Variants in PVT1 observed in about 807,000 individuals in gnomAD.
PVT1 encodes CXCR4/PVT1 fusion.
At chr8:128,018,712 T>G (rs1817401112) in intron 4 of PVT1, among the ~76,000 whole-genome samples, 3 of 152,160 alleles carry the variant, frequency 2.0e-5, no homozygotes, top group Non-Finnish European at 4.4e-5. Flanking sequence ...ATTGAAGCCC[T>G]GTGTGCTAGG....
chr8:128,026,200 C>T (rs1397165687), intron 4 of PVT1, among the ~76,000 whole-genome samples: 2 of 152,218 alleles, frequency 1.3e-5, no homozygotes, highest in Non-Finnish European at 2.9e-5. Flanking sequence ...GCCTCAGCCT[C>T]CCAAAGTGCT....
At chr8:127,965,053 G>A (rs1816689190) in intron 3 of PVT1, among the ~76,000 whole-genome samples, 2 of 152,112 alleles carry the variant, frequency 1.3e-5, no homozygotes, top group African/African-American at 4.8e-5. Context: ...TTCGGTGGGT[G>A]AAGACAGCAT....
At chr8:127,982,470 A>G (rs1816894285) in intron 3 of PVT1, among the ~76,000 whole-genome samples, 1 of 152,126 alleles carries the variant, frequency 6.6e-6, no homozygotes, top group Admixed American at 6.6e-5. Context: ...CACTCATGGC[A>G]GCCTCACAGG....
intron 4 of PVT1, among the ~76,000 whole-genome samples, chr8:127,993,626 G>A (rs1438909477): frequency 2.6e-5 from 4 of 152,232 alleles, no homozygotes; most frequent in Non-Finnish European, 5.9e-5. Flanking sequence ...CATTTTGACA[G>A]CACATAGGAC....
chr8:127,870,876 G>A (rs1453207649), intron 2 of PVT1, among the ~76,000 whole-genome samples: 1 of 152,194 alleles, frequency 6.6e-6, no homozygotes, highest in Non-Finnish European at 1.5e-5. Context: ...TATTTATACT[G>A]TTTGCCAAAG....
intron 4 of PVT1, among the ~76,000 whole-genome samples, chr8:128,062,078 A>G (rs1335729685): frequency 2.0e-5 from 3 of 152,226 alleles, no homozygotes; most frequent in African/African-American, 4.8e-5. Context: ...CTACATCTCA[A>G]TAGGGAGCCT....
chr8:127,882,514 G>A (rs955514298), intron 2 of PVT1, among the ~76,000 whole-genome samples: 1 of 150,490 alleles, frequency 6.6e-6, no homozygotes, highest in Non-Finnish European at 1.5e-5. Context: ...ATGGAGTCTC[G>A]CTCCTGTTGC....
intron 4 of PVT1, among the ~76,000 whole-genome samples, chr8:127,992,280 G>A (rs7831021): frequency 0.26 from 40,272 of 152,020 alleles, 5,459 homozygotes; most frequent in East Asian, 0.41. Flanking sequence ...TAGCTACTTG[G>A]GAGGCTTAGG....
At position 127,984,827 on chromosome 8, in the gene PVT1, C is replaced by CTTTCT. The variant is rs879548318; in HGVS notation, n.783-4322_783-4318dup. 6.4e-3 allele frequency among the ~76,000 whole-genome samples: 812 copies of CTTTCT among 126,226 alleles called. 95 individuals are homozygous for CTTTCT. Among genetic ancestry groups the CTTTCT allele is most frequent in the South Asian group, 0.012 (37 of 3,158 alleles). 82.8% of individuals were successfully genotyped at this position (126,226 alleles called of 152,430 possible). The stretch of plus-strand genomic sequence containing the variant: ...CTCGCCATGTTGGCCAGGCTGGTTT[C>CTTTCT]TTTCTTTTCTTTTCTTTCTTTCTTT... On this transcript the variant is annotated intron_variant and non_coding_transcript_variant, in intron 3 of 10. Transcript: ENST00000651587.
At chr8:128,034,708 T>C (rs564541065) in intron 4 of PVT1, among the ~76,000 whole-genome samples, 2 of 152,326 alleles carry the variant, frequency 1.3e-5, no homozygotes, top group Admixed American at 1.3e-4. Context: ...CTGGAACACC[T>C]GGCTCTGTTA....
intron 4 of PVT1, among the ~76,000 whole-genome samples, chr8:128,037,239 T>A (rs2130080840): frequency 6.6e-6 from 1 of 152,378 alleles, no homozygotes; most frequent in East Asian, 1.9e-4. Flanking sequence ...TTTTACAGTC[T>A]CCTCACCTGT....
At chr8:127,993,281 G>A (rs1179047814) in intron 4 of PVT1, among the ~76,000 whole-genome samples, 4 of 152,166 alleles carry the variant, frequency 2.6e-5, no homozygotes, top group Non-Finnish European at 2.9e-5. Context: ...CCACAGACAC[G>A]GAGCTTCCTC....
intron 2 of PVT1, among the ~76,000 whole-genome samples, chr8:127,804,740 G>GT (rs1814507239): frequency 6.8e-6 from 1 of 146,342 alleles, no homozygotes; most frequent in African/African-American, 2.5e-5. Context: ...TGTATTTTTA[G>GT]TTCAGACAGG....
chr8:127,844,277 G>A (rs897829385), intron 2 of PVT1, among the ~76,000 whole-genome samples: 3 of 152,158 alleles, frequency 2.0e-5, no homozygotes, highest in Non-Finnish European at 2.9e-5. Flanking sequence ...GCCCTCTCGT[G>A]AATGAGAAAA....
intron 5 of PVT1, among the ~76,000 whole-genome samples, chr8:128,073,641 T>G (rs1292458563): frequency 6.6e-6 from 1 of 152,008 alleles, no homozygotes; most frequent in Non-Finnish European, 1.5e-5. Flanking sequence ...GCCCTCCTCA[T>G]GCGCCAACCC....
At chr8:128,056,370 T>C (rs1436703796) in intron 4 of PVT1, among the ~76,000 whole-genome samples, 1 of 152,256 alleles carries the variant, frequency 6.6e-6, no homozygotes, top group Middle Eastern at 3.2e-3. Flanking sequence ...TACTCATATA[T>C]GCATACATAT....
At chr8:127,984,535 T>G (rs2129985550) in intron 3 of PVT1, among the ~76,000 whole-genome samples, 1 of 152,362 alleles carries the variant, frequency 6.6e-6, no homozygotes, top group East Asian at 1.9e-4. Flanking sequence ...AGCCAGAGGT[T>G]GTGTTGAGCA....
rs1813884004 is a variant in PVT1, at chr8:128,064,956, C to T, written n.913-5204C>T. 2.0e-5 allele frequency among the ~76,000 whole-genome samples: 3 copies of T among 152,242 alleles called. No individual in the cohort carries two copies. In the South Asian group the frequency reaches 6.2e-4, roughly 32 times the overall value. ...TGGACCCTGCTCTGAGAAATATGCC[C>T]TTAGATGATTTCTTGCTTGTAGCAT... On this transcript the variant is annotated intron_variant and non_coding_transcript_variant, in intron 4 of 10. Transcript: ENST00000651587.
chr8:127,984,911 TTC>T (rs1816939687), intron 3 of PVT1, among the ~76,000 whole-genome samples: 1 of 82,314 alleles, frequency 1.2e-5, no homozygotes, highest in Non-Finnish European at 2.6e-5. Context: ...CTTTCTTTCT[TTC>T]TTTCTTTCTC....
Sources: allele counts gnomAD v4.1 joint callset (sites outside exome capture counted in the v4.1 genomes callset), GRCh38; gene constraint gnomAD v4.1.1; transcripts MANE v1.5; gene names NCBI Gene and HGNC (gene_info 2026-07-23, HGNC 2026-07-21).